Variants in CRYBB2 observed in about 807,000 individuals in gnomAD.
The protein encoded by CRYBB2 is crystallin beta B2, also known as beta-crystallin B2.
CRYBB2 carries 12 observed loss-of-function variants against 24.3 expected under a neutral mutation model. The ratio of observed to expected loss-of-function variants is 0.49; its 90% CI spans 0.32 to 0.80. The LOEUF (loss-of-function observed/expected upper bound fraction) is 0.80. Ranked by LOEUF, CRYBB2 falls within the 30% of genes least tolerant of loss-of-function variation. The pLI is 0.04. For missense variants in CRYBB2, 198 were observed against 268.5 expected (o/e 0.74, Z 1.83); for synonymous variants, 98 against 101.6 (o/e 0.96, Z 0.21).
chr22:25,218,860 A>AGAAAGGGAAAGAAAG (rs1935273401), upstream of CRYBB2, among the ~76,000 whole-genome samples: 1 of 150,088 alleles, frequency 6.7e-6, no homozygotes, highest in East Asian at 1.9e-4. Context: ...AAGAAAGAAA[A>AGAAAGGGAAAGAAAG]GAAAGAGAAA....
At chr22:25,225,672 CTG>C (rs1158770271) in intron 3 of CRYBB2, among the ~76,000 whole-genome samples, 2 of 152,196 alleles carry the variant, frequency 1.3e-5, no homozygotes, top group African/African-American at 2.4e-5. Context: ...CACTCCTTCT[CTG>C]TAAAAGCCTC....
intron 5 of CRYBB2, 73 bp from the exon 6 acceptor site, chr22:25,231,531 C>T (rs1161613126): frequency 7.0e-7 from 1 of 1,429,270 alleles, no homozygotes; most frequent in African/African-American, 1.4e-5. Context: ...TATCTCTCTC[C>T]CCTCGCCTCT....
At chr22:25,229,133 G>A (rs1451951039) in intron 4 of CRYBB2, among the ~76,000 whole-genome samples, 1 of 152,178 alleles carries the variant, frequency 6.6e-6, no homozygotes, top group African/African-American at 2.4e-5. Context: ...GTTCACATGT[G>A]GGTGGGTAGG....
intron 2 of CRYBB2, among the ~76,000 whole-genome samples, chr22:25,222,001 CCAG>C: frequency 6.6e-6 from 1 of 152,352 alleles, no homozygotes; most frequent in South Asian, 2.1e-4. Context: ...CCACCTAACA[CCAG>C]CAAATAATGC....
chr22:25,230,776 G>C (rs1935518033), intron 5 of CRYBB2, among the ~76,000 whole-genome samples: 1 of 149,696 alleles, frequency 6.7e-6, no homozygotes, highest in Non-Finnish European at 1.5e-5. Context: ...AAGAGATCTG[G>C]CTTCTGCCCT....
chr22:25,220,482 A>G (rs963379234), intron 1 of CRYBB2, among the ~76,000 whole-genome samples: 1 of 152,168 alleles, frequency 6.6e-6, no homozygotes, highest in Non-Finnish European at 1.5e-5. Context: ...GACCTCAGGC[A>G]CTCTGACAAG....
chr22:25,218,077 G>A (rs913028688), upstream of CRYBB2, among the ~76,000 whole-genome samples: 3 of 151,662 alleles, frequency 2.0e-5, no homozygotes. Flanking sequence ...GGCTAACACA[G>A]TGAAACACCG....
chr22:25,231,276 T>G (rs1173821459), intron 5 of CRYBB2, among the ~76,000 whole-genome samples: 1 of 152,016 alleles, frequency 6.6e-6, no homozygotes, highest in East Asian at 1.9e-4. Flanking sequence ...GCCTGGCTTA[T>G]TCTAAGCTTC....
chr22:25,230,703 T>G (rs2146094596), intron 5 of CRYBB2, among the ~76,000 whole-genome samples: 1 of 148,348 alleles, frequency 6.7e-6, no homozygotes, highest in African/African-American at 2.5e-5. Flanking sequence ...CATTCATTCA[T>G]TCAATCTGTC....
chr22:25,225,698 G>A (rs978047366), intron 3 of CRYBB2, among the ~76,000 whole-genome samples: 13 of 152,202 alleles, frequency 8.5e-5, no homozygotes, highest in African/African-American at 3.1e-4. Flanking sequence ...ATGTAGGAAT[G>A]TCCGCTGGTG....
At chr22:25,220,404 G>T (rs1440561779) in intron 1 of CRYBB2, among the ~76,000 whole-genome samples, 1 of 152,214 alleles carries the variant, frequency 6.6e-6, no homozygotes, top group African/African-American at 2.4e-5. Flanking sequence ...AGCAGAGACT[G>T]CTCCTGAACT....
chr22:25,218,472 C>T (rs1935217520), upstream of CRYBB2, among the ~76,000 whole-genome samples: 1 of 151,308 alleles, frequency 6.6e-6, no homozygotes, highest in Non-Finnish European at 1.5e-5. Flanking sequence ...CCCTGGGCAA[C>T]ATGTCAAAAC....
chr22:25,229,024 G>A (rs904581425), intron 4 of CRYBB2, among the ~76,000 whole-genome samples: 1 of 105,952 alleles, frequency 9.4e-6, no homozygotes, highest in Non-Finnish European at 2.1e-5. Context: ...GGGTGTGCAC[G>A]TGTGTGCGTG....
At chr22:25,224,798 C>T (rs1333825621) in intron 2 of CRYBB2, 120 bp from the exon 3 acceptor site, 1 of 772,238 alleles carries the variant, frequency 1.3e-6, no homozygotes, top group Non-Finnish European at 2.4e-6. Context: ...TTTGATTTGT[C>T]ACTCTGGAGG....
upstream of CRYBB2, among the ~76,000 whole-genome samples, chr22:25,218,175 T>A (rs576739772): frequency 6.6e-6 from 1 of 150,420 alleles, no homozygotes; most frequent in Admixed American, 6.6e-5. Flanking sequence ...AGGAGAATGG[T>A]GTGAACACGG....
upstream of CRYBB2, among the ~76,000 whole-genome samples, chr22:25,218,580 C>G (rs1434887057): frequency 6.7e-6 from 1 of 148,254 alleles, no homozygotes; most frequent in Non-Finnish European, 1.5e-5. Flanking sequence ...GCAGGAGAAT[C>G]GCTTGAACCT....
At chr22:25,228,717 C>T (rs1601422693) in intron 4 of CRYBB2, among the ~76,000 whole-genome samples, 1 of 152,246 alleles carries the variant, frequency 6.6e-6, no homozygotes, top group East Asian at 1.9e-4. Flanking sequence ...TTTGACCTCT[C>T]TGTGCCGCGC....
chr22:25,217,651 G>A (rs111615381), upstream of CRYBB2, among the ~76,000 whole-genome samples: 230 of 152,280 alleles, frequency 1.5e-3, no homozygotes, highest in African/African-American at 4.8e-3. Context: ...CCTACTATGC[G>A]TCAGGCACTG....
At position 25,221,488 on chromosome 22, in the gene CRYBB2, G is replaced by A. The variant is rs748269360; in HGVS notation, c.54+5G>A. Reference sequence around the variant, plus strand: ...CCACAGTCCCTCAACCCCAAGGTGGGTACCTCTCAGAGGAGGGGGCATGCA... The same window carrying A: ...CCACAGTCCCTCAACCCCAAGGTGGATACCTCTCAGAGGAGGGGGCATGCA... On this transcript the variant is annotated splice_donor_5th_base_variant and intron_variant, in intron 2 of 5. Transcript: ENST00000398215. 4 of 1,610,240 alleles carry A rather than the reference G, an allele frequency of 2.5e-6. No individual in the cohort carries two copies. The highest frequency in any genetic ancestry group is 3.3e-5 in the Admixed American group (2 of 60,006).
Sources: gnomAD v4.1 joint callset for allele counts (sites outside exome capture counted in the v4.1 genomes callset) on GRCh38, gnomAD v4.1.1 for gene constraint, MANE v1.5 for transcripts, NCBI Gene and HGNC (gene_info 2026-07-23, HGNC 2026-07-21) for gene names.